The following MYRFL variants were observed in gnomAD, a reference collection of about 807,000 sequenced individuals.
MYRFL encodes myelin regulatory factor-like protein.
Under a neutral mutation model 109.4 loss-of-function variants are expected in MYRFL, and 88 were observed. The ratio of observed to expected loss-of-function variants is 0.80; its 90% CI spans 0.68 to 0.96. The LOEUF is 0.96. MYRFL is among the 40% of genes least tolerant of loss of function. MYRFL has a pLI of 0.00. For missense variants in MYRFL, 957 were observed against 954.9 expected (o/e 1.00, Z -0.03); for synonymous variants, 324 against 320.9 (o/e 1.01, Z -0.10).
At position 69,877,000 on chromosome 12, in the gene MYRFL, G is replaced by GGTCT. The variant is rs1309851788; in HGVS notation, c.138-2027_138-2024dup. Among the ~76,000 whole-genome samples, 8 of 62,980 alleles carry GGTCT rather than the reference G, an allele frequency of 1.3e-4. No individual in the cohort carries two copies. The South Asian group carries it at 1.7e-3, about 13-fold the overall frequency. The allele number at this position is 62,980 out of a possible 152,430, so 41.3% of individuals were successfully genotyped here. A position where few individuals can be genotyped will look rare whatever the true frequency, so the allele number is the denominator to read the frequency against. On this transcript the variant is annotated intron_variant, in intron 2 of 24. Transcript: ENST00000552032. ...GTGGGGAAGCTAATATAAGGGTCCAGGTCTTTCTTTCTTTCTTTCTTTCTT... is the reference window on the plus strand; with the variant it reads ...GTGGGGAAGCTAATATAAGGGTCCAGGTCTGTCTTTCTTTCTTTCTTTCTTTCTT...
At chr12:69,957,163 G>A (rs896444014) in intron 22 of MYRFL, among the ~76,000 whole-genome samples, 2 of 152,118 alleles carry the variant, frequency 1.3e-5, no homozygotes, top group African/African-American at 2.4e-5. Flanking sequence ...AAGAAGAACC[G>A]TACTTTCTGG....
chr12:69,841,274 G>A (rs1193822492), intron 1 of MYRFL, among the ~76,000 whole-genome samples: 2 of 152,132 alleles, frequency 1.3e-5, no homozygotes, highest in African/African-American at 4.8e-5. Flanking sequence ...TATTTCAAGT[G>A]ACCAGCATGA....
chr12:69,914,761 C>T (rs1954680440), intron 13 of MYRFL, among the ~76,000 whole-genome samples: 1 of 152,168 alleles, frequency 6.6e-6, no homozygotes, highest in South Asian at 2.1e-4. Context: ...CAGCCTCATT[C>T]ATGTGTCACC....
intron 1 of MYRFL, among the ~76,000 whole-genome samples, chr12:69,829,333 C>G (rs763063556): frequency 6.6e-6 from 1 of 152,104 alleles, no homozygotes; most frequent in African/African-American, 2.4e-5. Flanking sequence ...GAAACATCTG[C>G]TGTCCATAAG....
rs1956067970 is a variant in MYRFL, at chr12:69,955,309, C to T, written c.2376-54C>T. ...ATATAATGAGTAGCAAAAAGGCCTT[C>T]GAAGACTTTCCTGCATATTTTGATT... On this transcript the variant is annotated intron_variant, in intron 21 of 24. Transcript: ENST00000552032. 1.6e-5 allele frequency: 9 copies of T among 579,484 alleles called. No homozygotes were observed. The East Asian group carries it at 2.0e-4, about 13-fold the overall frequency. The allele number at this position is 579,484 out of a possible 1,614,324, so 35.9% of individuals were successfully genotyped here. A position where few individuals can be genotyped will look rare whatever the true frequency, so the allele number is the denominator to read the frequency against.
chr12:69,884,652 G>T (rs74101367), intron 5 of MYRFL, among the ~76,000 whole-genome samples: 1 of 152,134 alleles, frequency 6.6e-6, no homozygotes, highest in Non-Finnish European at 1.5e-5. Flanking sequence ...TTTCACATTC[G>T]ATAGAGCTAC....
At chr12:69,888,906 T>C (rs1886620006) in intron 6 of MYRFL, among the ~76,000 whole-genome samples, 1 of 152,214 alleles carries the variant, frequency 6.6e-6, no homozygotes, top group African/African-American at 2.4e-5. Flanking sequence ...CTTTATCAAA[T>C]TCTTCATTCA....
intron 7 of MYRFL, 41 bp downstream of exon 7, chr12:69,891,207 T>C (rs1423051815): frequency 7.4e-7 from 1 of 1,358,846 alleles, no homozygotes; most frequent in South Asian, 1.7e-5. Flanking sequence ...AGTCAACATT[T>C]ATTTTGTTTC....
intron 10 of MYRFL, among the ~76,000 whole-genome samples, chr12:69,899,429 G>C (rs1954112799): frequency 6.6e-6 from 1 of 152,198 alleles, no homozygotes; most frequent in African/African-American, 2.4e-5. Flanking sequence ...GTTGGGCAGA[G>C]GGCAGACCAG....
intron 15 of MYRFL, among the ~76,000 whole-genome samples, chr12:69,929,147 T>G (rs914460767): frequency 1.3e-5 from 2 of 152,024 alleles, no homozygotes; most frequent in African/African-American, 4.8e-5. Flanking sequence ...GTATGACAAC[T>G]TAAATTAAAA....
In MYRFL at chr12:69,936,318, C is replaced by G. The variant is rs1351414089; in HGVS notation, c.2027C>G (p.Pro676Arg). The G allele has an allele frequency of 6.5e-7, 1 of 1,536,160 alleles. No homozygotes were observed. Among genetic ancestry groups the G allele is most frequent in the East Asian group, 2.4e-5 (1 of 40,888 alleles). Residue 676 changes from proline to arginine, a missense_variant, in exon 18 of 25, where the codon CCC (proline) becomes CGC (arginine). By Grantham distance (103) the Pro-to-Arg change is moderately radical. Coordinates refer to ENST00000552032, the MANE Select transcript of MYRFL (RefSeq NM_182530.3). ...AGCTCACAGGAGCCAGCTCTGCTGC[C>G]CACAGCCTCCTCCTCAGGTAAAGGC... ...ITSSQEPALL[P>R]TASSSAPNTS...
chr12:69,929,517 A>G (rs1162380139), intron 15 of MYRFL, among the ~76,000 whole-genome samples: 1 of 152,178 alleles, frequency 6.6e-6, no homozygotes, highest in African/African-American at 2.4e-5. Flanking sequence ...GCATAAATGA[A>G]AGTCTGGTGG....
intron 2 of MYRFL, among the ~76,000 whole-genome samples, chr12:69,859,145 C>T (rs944018130): frequency 6.6e-6 from 1 of 151,896 alleles, no homozygotes; most frequent in Non-Finnish European, 1.5e-5. Flanking sequence ...AACTTCCAAA[C>T]GTTTGGAAAT....
chr12:69,850,909 AC>A (rs1271608673), intron 1 of MYRFL, among the ~76,000 whole-genome samples: 6 of 152,104 alleles, frequency 3.9e-5, no homozygotes, highest in African/African-American at 1.4e-4. Flanking sequence ...TATACCCTCA[AC>A]TTTTTCATTT....
chr12:69,853,016 CTCTT>C (rs1883981849), intron 1 of MYRFL, among the ~76,000 whole-genome samples: 1 of 152,270 alleles, frequency 6.6e-6, no homozygotes, highest in Admixed American at 6.5e-5. Flanking sequence ...CATCTGATTT[CTCTT>C]TCTTTTCCCC....
At chr12:69,886,190 G>A (rs147434107) in intron 5 of MYRFL, among the ~76,000 whole-genome samples, 22 of 152,220 alleles carry the variant, frequency 1.4e-4, no homozygotes, top group Admixed American at 2.0e-4. Context: ...TCCTGTTAAC[G>A]CGAGGGTTTA....
intron 9 of MYRFL, among the ~76,000 whole-genome samples, chr12:69,896,367 C>T (rs780651475): frequency 2.6e-5 from 4 of 152,136 alleles, no homozygotes; most frequent in African/African-American, 4.8e-5. Context: ...ACTTTAGATG[C>T]AGAGGGAAAC....
chr12:69,878,500 C>T (rs982898213), intron 2 of MYRFL, among the ~76,000 whole-genome samples: 9 of 151,960 alleles, frequency 5.9e-5, no homozygotes, highest in African/African-American at 2.2e-4. Context: ...TTTATTGATA[C>T]ATAATAGATG....
chr12:69,881,816 C>A (rs755726396), intron 5 of MYRFL, among the ~76,000 whole-genome samples: 1 of 152,222 alleles, frequency 6.6e-6, no homozygotes, highest in Non-Finnish European at 1.5e-5. Context: ...TAAGTTAGAG[C>A]TTTCCATCCA....
Sources: allele counts gnomAD v4.1 joint callset (sites outside exome capture counted in the v4.1 genomes callset), GRCh38; gene constraint gnomAD v4.1.1; transcripts MANE v1.5; gene names NCBI Gene and HGNC (gene_info 2026-07-23, HGNC 2026-07-21).